Variants in ASIC2 observed in about 807,000 individuals in gnomAD.
ASIC2 encodes the protein acid sensing ion channel subunit 2, also known as acid-sensing ion channel 2.
A neutral mutation model predicts 57.3 loss-of-function variants in ASIC2; 25 were observed. The ratio of observed to expected loss-of-function variants is 0.44; its 90% CI spans 0.32 to 0.61. The LOEUF is 0.61. Ranked by LOEUF, ASIC2 falls within the 20% of genes least tolerant of loss-of-function variation. The probability of loss-of-function intolerance (pLI) is 0.06; values close to 1 mark genes in which losing one functional copy is unlikely to be tolerated. For missense variants in ASIC2, 641 were observed against 738.1 expected, an observed-to-expected ratio of 0.87 and a Z score of 1.52; for synonymous variants, 319 against 307.5, an observed-to-expected ratio of 1.04 and a Z score of -0.39.
intron 1 of ASIC2, among the ~76,000 whole-genome samples, chr17:33,233,850 G>T (rs554246647): frequency 5.6e-4 from 86 of 152,300 alleles, no homozygotes; most frequent in Non-Finnish European, 1.1e-3. Context: ...GAAGCAGATT[G>T]TCAAGAGAAA....
chr17:33,790,433 G>A (rs954159314), intron 1 of ASIC2, among the ~76,000 whole-genome samples: 1 of 152,172 alleles, frequency 6.6e-6, no homozygotes, highest in South Asian at 2.1e-4. Flanking sequence ...GGTGGGTCAA[G>A]CAGCTAATTA....
At chr17:33,610,741 A>C (rs963344758) in intron 1 of ASIC2, among the ~76,000 whole-genome samples, 2 of 151,432 alleles carry the variant, frequency 1.3e-5, no homozygotes, top group Non-Finnish European at 2.9e-5. Context: ...ATAAATAAAT[A>C]AAATAATTAA....
At chr17:33,644,005 A>G (rs1341799357) in intron 1 of ASIC2, among the ~76,000 whole-genome samples, 1 of 152,216 alleles carries the variant, frequency 6.6e-6, no homozygotes, top group African/African-American at 2.4e-5. Context: ...TTGCCATCAC[A>G]ACAAACACTC....
At chr17:33,427,315 G>A (rs1911252862) in intron 1 of ASIC2, among the ~76,000 whole-genome samples, 1 of 152,196 alleles carries the variant, frequency 6.6e-6, no homozygotes, top group South Asian at 2.1e-4. Flanking sequence ...ATTTGAACAA[G>A]TATTTTCATG....
intron 3 of ASIC2, among the ~76,000 whole-genome samples, chr17:33,056,002 C>A (rs554866024): frequency 3.3e-5 from 5 of 152,188 alleles, no homozygotes; most frequent in Non-Finnish European, 5.9e-5. Flanking sequence ...ACTCCAAGTA[C>A]TAGTATTTTT....
At chr17:33,760,066 G>A (rs1385952756) in intron 1 of ASIC2, among the ~76,000 whole-genome samples, 1 of 151,948 alleles carries the variant, frequency 6.6e-6, no homozygotes, top group African/African-American at 2.4e-5. Flanking sequence ...TGTGTTATGA[G>A]CAACAAAAAG....
At chr17:33,877,450 A>G (rs1388051733) in intron 1 of ASIC2, among the ~76,000 whole-genome samples, 9 of 152,212 alleles carry the variant, frequency 5.9e-5, no homozygotes, top group Admixed American at 6.5e-5. Flanking sequence ...GGTCTTAGCA[A>G]ATGGCACACC....
intron 1 of ASIC2, among the ~76,000 whole-genome samples, chr17:33,690,445 T>C (rs1409134611): frequency 6.6e-6 from 1 of 152,196 alleles, no homozygotes; most frequent in African/African-American, 2.4e-5. Flanking sequence ...GGTTTCTCCA[T>C]GTGGATGCAT....
At chr17:33,659,403 G>A (rs544196146) in intron 1 of ASIC2, among the ~76,000 whole-genome samples, 3 of 152,094 alleles carry the variant, frequency 2.0e-5, no homozygotes, top group Admixed American at 6.5e-5. Flanking sequence ...CAAAGCCTCC[G>A]TGGTACAGCC....
At chr17:33,066,279 A>G (rs895896186) in intron 3 of ASIC2, among the ~76,000 whole-genome samples, 2 of 152,164 alleles carry the variant, frequency 1.3e-5, no homozygotes, top group Admixed American at 6.5e-5. Flanking sequence ...AAAAACTGTG[A>G]TACCTGGGAG....
At chr17:33,736,590 C>T (rs1357131067) in intron 1 of ASIC2, among the ~76,000 whole-genome samples, 1 of 152,086 alleles carries the variant, frequency 6.6e-6, no homozygotes, top group Non-Finnish European at 1.5e-5. Context: ...TTCACTGACT[C>T]TTTTTGTTTT....
intron 3 of ASIC2, among the ~76,000 whole-genome samples, chr17:33,036,829 A>C (rs1255636060): frequency 1.3e-5 from 2 of 152,114 alleles, no homozygotes; most frequent in African/African-American, 4.8e-5. Flanking sequence ...GATTTCCTGT[A>C]TGACCTTGAA....
At chr17:33,814,046 G>A (rs927468165) in intron 1 of ASIC2, among the ~76,000 whole-genome samples, 1 of 152,100 alleles carries the variant, frequency 6.6e-6, no homozygotes, top group Non-Finnish European at 1.5e-5. Flanking sequence ...ACTGCAGGGG[G>A]ACTGTGGCTG....
chr17:34,010,871 C>A (rs1455677466), intron 1 of ASIC2, among the ~76,000 whole-genome samples: 2 of 152,006 alleles, frequency 1.3e-5, no homozygotes, highest in African/African-American at 2.4e-5. Context: ...TCCACTGCAA[C>A]CCCTGCTCAG....
At chr17:33,854,292 T>G (rs879422843) in intron 1 of ASIC2, among the ~76,000 whole-genome samples, 1 of 152,226 alleles carries the variant, frequency 6.6e-6, no homozygotes, top group African/African-American at 2.4e-5. Context: ...TAAGCTGATG[T>G]GCAGGCAGTA....
chr17:33,743,408 C>A (rs1597858357), intron 1 of ASIC2, among the ~76,000 whole-genome samples: 1 of 152,354 alleles, frequency 6.6e-6, no homozygotes, highest in East Asian at 1.9e-4. Flanking sequence ...CCCCTCAGTT[C>A]CCAAGCTAGG....
intron 1 of ASIC2, among the ~76,000 whole-genome samples, chr17:34,125,578 G>A (rs1464208917): frequency 6.6e-6 from 1 of 152,110 alleles, no homozygotes; most frequent in Non-Finnish European, 1.5e-5. Flanking sequence ...GTGCCAGACT[G>A]TCCCATGGGA....
intron 1 of ASIC2, among the ~76,000 whole-genome samples, chr17:33,855,337 G>T (rs1913893530): frequency 6.6e-6 from 1 of 152,168 alleles, no homozygotes; most frequent in Admixed American, 6.5e-5. Flanking sequence ...GTCACACAGA[G>T]TTGGACGCAA....
chr17:33,767,377 G>A (rs768211589), intron 1 of ASIC2, among the ~76,000 whole-genome samples: 1 of 152,196 alleles, frequency 6.6e-6, no homozygotes. Flanking sequence ...TGTGAGACAC[G>A]GTGATAGGCA....
Sources: allele counts gnomAD v4.1 joint callset (sites outside exome capture counted in the v4.1 genomes callset), GRCh38; gene constraint gnomAD v4.1.1; transcripts MANE v1.5; gene names NCBI Gene and HGNC (gene_info 2026-07-23, HGNC 2026-07-21).